The following FRMPD1 variants were observed in gnomAD, a reference collection of about 807,000 sequenced individuals.
FRMPD1 encodes the protein FERM and PDZ domain-containing protein 1.
In FRMPD1, 76 loss-of-function variants were observed where a neutral mutation model predicts 117.8. The observed-to-expected ratio is 0.65, with a 90% CI of 0.54 to 0.78. FRMPD1 has a LOEUF of 0.78. Among genes scored for constraint, FRMPD1 ranks in the 30% least tolerant of loss-of-function variants. The pLI is 0.00. For synonymous variants in FRMPD1, 783 were observed against 770.4 expected, an observed-to-expected ratio of 1.02 and a Z score of -0.27; for missense variants, 1,786 against 1,964.5, an observed-to-expected ratio of 0.91 and a Z score of 1.72.
the FRMPD1 span, among the ~76,000 whole-genome samples, chr9:37,633,063 C>T: frequency 2.5e-4 from 36 of 146,552 alleles, no homozygotes; most frequent in Non-Finnish European, 4.3e-4. Flanking sequence ...AGATGGAGTT[C>T]TCGCTCTGTC....
At chr9:37,704,447 C>T (rs969134792) in intron 2 of FRMPD1, among the ~76,000 whole-genome samples, 10 of 151,826 alleles carry the variant, frequency 6.6e-5, no homozygotes, top group East Asian at 3.8e-4. Context: ...CTTAAATTTA[C>T]GTATGCGGTG....
chr9:37,714,624 TG>T (rs1823037459), intron 5 of FRMPD1, among the ~76,000 whole-genome samples: 1 of 14,954 alleles, frequency 6.7e-5, no homozygotes, highest in Non-Finnish European at 2.0e-4. Context: ...TATTTTATTT[TG>T]TTTTGTTTTA....
At chr9:37,633,284 G>A in the FRMPD1 span, among the ~76,000 whole-genome samples, 256 of 152,134 alleles carry the variant, frequency 1.7e-3, 7 homozygotes, top group East Asian at 0.043. Flanking sequence ...CAAGTGATTC[G>A]CCCTCCTCAG....
chr9:37,659,844 A>G (rs1820943799), intron 1 of FRMPD1, among the ~76,000 whole-genome samples: 1 of 149,424 alleles, frequency 6.7e-6, no homozygotes, highest in Non-Finnish European at 1.5e-5. Flanking sequence ...TCCAAATGCA[A>G]CTCCCACTAA....
chr9:37,700,773 C>T (rs564327675), intron 2 of FRMPD1, among the ~76,000 whole-genome samples: 1 of 152,220 alleles, frequency 6.6e-6, no homozygotes, highest in East Asian at 1.9e-4. Flanking sequence ...AGTTATCTGG[C>T]AGGAATTTCA....
At chr9:37,622,854 C>A in the FRMPD1 span, among the ~76,000 whole-genome samples, 4 of 152,026 alleles carry the variant, frequency 2.6e-5, no homozygotes, top group Non-Finnish European at 4.4e-5. Flanking sequence ...CTGCACGCAG[C>A]CAATTGCCCT....
upstream of FRMPD1, among the ~76,000 whole-genome samples, chr9:37,650,552 G>GCA (rs1320154880): frequency 6.6e-6 from 1 of 152,228 alleles, no homozygotes; most frequent in East Asian, 1.9e-4. Flanking sequence ...CCCGTAGCTG[G>GCA]GGCTCTTCCT....
At chr9:37,636,715 T>G in the FRMPD1 span, 1 of 1,579,020 alleles carries the variant, frequency 6.3e-7, no homozygotes, top group Non-Finnish European at 8.6e-7. Flanking sequence ...CAGCCGGCTT[T>G]ACAGGGGTGC....
intron 6 of FRMPD1, among the ~76,000 whole-genome samples, chr9:37,719,413 A>G (rs1823297273): frequency 6.6e-6 from 1 of 152,144 alleles, no homozygotes. Context: ...TTGGCCCTCT[A>G]TTGTTCTGTG....
At chr9:37,692,763 G>C in intron 2 of FRMPD1, 21 bp downstream of exon 2, 1 of 1,561,728 alleles carries the variant, frequency 6.4e-7, no homozygotes, top group Non-Finnish European at 8.8e-7. Flanking sequence ...TGAGTTTGCA[G>C]ATTTCTGTCT....
chr9:37,606,832 G>A, the FRMPD1 span, among the ~76,000 whole-genome samples: 1 of 152,122 alleles, frequency 6.6e-6, no homozygotes, highest in Non-Finnish European at 1.5e-5. Flanking sequence ...GCCAGAGAGA[G>A]GCTGGAGTAG....
At position 37,707,579 on chromosome 9, in the gene FRMPD1, G is replaced by C. The variant is rs1275455498; in HGVS notation, c.259+6G>C. On this transcript the variant is annotated splice_donor_region_variant and intron_variant, in intron 3 of 15. Coordinates refer to ENST00000377765, the MANE Select transcript of FRMPD1 (RefSeq NM_014907.3). ...AGTGGTGGCTGTCACAGCAGGTAGG[G>C]GATGACTGGGAAATGAGAAAGGAGT... is the stretch of plus-strand genomic sequence containing the variant. 14 of 1,611,310 alleles carry C rather than the reference G, an allele frequency of 8.7e-6. No individual in the cohort carries two copies. Among genetic ancestry groups the C allele is most frequent in the Non-Finnish European group, 1.1e-5 (13 of 1,178,090 alleles).
chr9:37,669,107 T>G (rs1432599722), intron 1 of FRMPD1, among the ~76,000 whole-genome samples: 1 of 152,158 alleles, frequency 6.6e-6, no homozygotes, highest in Non-Finnish European at 1.5e-5. Context: ...TCCCCTAACT[T>G]CCTTGTCCAT....
chr9:37,735,809 G>C (rs1218095535), intron 13 of FRMPD1, 75 bp downstream of exon 13: 1 of 962,490 alleles, frequency 1.0e-6, no homozygotes, highest in African/African-American at 1.6e-5. Flanking sequence ...TAGTTTATAT[G>C]AATTTTAAAT....
chr9:37,733,042 T>G (rs1296088899), intron 10 of FRMPD1, among the ~76,000 whole-genome samples: 3 of 152,166 alleles, frequency 2.0e-5, no homozygotes, highest in Non-Finnish European at 4.4e-5. Context: ...ATCTGTAGTT[T>G]TAGCAATTTT....
intron 14 of FRMPD1, among the ~76,000 whole-genome samples, chr9:37,738,120 A>G (rs952036497): frequency 1.3e-5 from 2 of 152,216 alleles, no homozygotes; most frequent in African/African-American, 2.4e-5. Context: ...GGAATTGCCC[A>G]ATTCCATGGT....
rs1483484729 is a variant in FRMPD1, at chr9:37,740,453, A to G, written c.1925A>G (p.Asp642Gly). ...GGCCTCGCAGAGAGCATTGACTCTG[A>G]CAGCCAGGAGGAGAGAAGCGGGATT... ...SPGLAESIDS[D>G]SQEERSGIET... Residue 642 changes from aspartate to glycine, a missense_variant, in exon 15 of 16, where the codon GAC becomes GGC. Asp to Gly is a moderately conservative substitution (Grantham distance 94). Coordinates refer to ENST00000377765, the MANE Select transcript of FRMPD1 (RefSeq NM_014907.3). This position sits in a 1 kb window ranked among gnomAD's most constrained non-coding sequence, Gnocchi z 4.2. 3 of 1,614,052 alleles carry G rather than the reference A, an allele frequency of 1.9e-6. No homozygotes were observed. The African/African-American group carries it at 4.0e-5, about 22-fold the overall frequency.
In FRMPD1 at chr9:37,731,006, A is replaced by T; in HGVS notation, c.761A>T (p.His254Leu). Residue 254 changes from histidine (H) to leucine (L), a missense_variant, in exon 9 of 16, where the codon CAT (histidine) becomes CTT (leucine). Physicochemically the swap from His to Leu is moderately conservative, Grantham distance 99. Transcript: ENST00000377765. ...IQQVVEREES[H>L]DYRCLFRVCF... ...CAGGTGGTAGAAAGGGAGGAGTCAC[A>T]TGACTACCGCTGCCTCTTCAGGGTC... 1 of 1,613,882 alleles carries T rather than the reference A, an allele frequency of 6.2e-7. No individual in the cohort carries two copies. The highest frequency in any genetic ancestry group is 1.3e-5 in the African/African-American group (1 of 75,042).
intron 14 of FRMPD1, among the ~76,000 whole-genome samples, chr9:37,738,656 C>T (rs1006214525): frequency 6.6e-6 from 1 of 152,014 alleles, no homozygotes; most frequent in African/African-American, 2.4e-5. Flanking sequence ...TTTGTTGTTA[C>T]ACAATGTATT....
Sources: allele counts gnomAD v4.1 joint callset (sites outside exome capture counted in the v4.1 genomes callset), GRCh38; gene constraint gnomAD v4.1.1; non-coding constraint Gnocchi (gnomAD v3.1); transcripts MANE v1.5; gene names NCBI Gene and HGNC (gene_info 2026-07-23, HGNC 2026-07-21).